Variants in NRCAM observed in about 807,000 individuals in gnomAD.
The protein encoded by NRCAM is neuronal cell adhesion molecule, also known as NgCAM-related cell adhesion molecule.
NRCAM carries 83 observed loss-of-function variants against 156.5 expected under a neutral mutation model. The observed-to-expected ratio is 0.53, with a 90% CI of 0.44 to 0.64. The LOEUF (loss-of-function observed/expected upper bound fraction) is 0.64, where lower values mean the gene tolerates loss of function less well. NRCAM is among the 30% of genes least tolerant of loss of function. NRCAM has a pLI of 0.00. For missense variants in NRCAM, 1,417 were observed against 1,597.3 expected (o/e 0.89, Z 1.92); for synonymous variants, 538 against 563.9 (o/e 0.95, Z 0.65).
intron 3 of NRCAM, among the ~76,000 whole-genome samples, chr7:108,276,053 T>G (rs1056151256): frequency 6.6e-6 from 1 of 152,306 alleles, no homozygotes; most frequent in Middle Eastern, 3.4e-3. Flanking sequence ...TTTGAGTGAG[T>G]TTCTTAATCC....
chr7:108,368,454 C>T (rs923118431), intron 2 of NRCAM, among the ~76,000 whole-genome samples: 3 of 151,786 alleles, frequency 2.0e-5, no homozygotes, highest in African/African-American at 7.3e-5. Flanking sequence ...AAATCTTTTC[C>T]GTTGAAAAAG....
chr7:108,263,489 C>T (rs1011388066), intron 3 of NRCAM, among the ~76,000 whole-genome samples: 5 of 152,358 alleles, frequency 3.3e-5, no homozygotes, highest in Admixed American at 6.5e-5. Flanking sequence ...TCCGAGCTTC[C>T]GCATCAGGCA....
intron 13 of NRCAM, among the ~76,000 whole-genome samples, chr7:108,202,733 T>C (rs1328838738): frequency 6.6e-6 from 1 of 152,218 alleles, no homozygotes. Flanking sequence ...CTTACATTCC[T>C]GGCTTTCAAC....
At chr7:108,278,692 C>G (rs1405538641) in intron 3 of NRCAM, among the ~76,000 whole-genome samples, 1 of 152,212 alleles carries the variant, frequency 6.6e-6, no homozygotes, top group African/African-American at 2.4e-5. Context: ...AAGGGAAATC[C>G]CCCTGACCCC....
At chr7:108,202,091 T>C (rs964947301) in intron 13 of NRCAM, among the ~76,000 whole-genome samples, 1 of 152,098 alleles carries the variant, frequency 6.6e-6, no homozygotes, top group African/African-American at 2.4e-5. Context: ...AGAGGAATAA[T>C]CATTAATTCT....
chr7:108,294,942 C>G (rs1164533406), intron 3 of NRCAM, among the ~76,000 whole-genome samples: 3 of 152,146 alleles, frequency 2.0e-5, no homozygotes, highest in Non-Finnish European at 4.4e-5. Flanking sequence ...CCCTAAAGTC[C>G]ACATTTGCAT....
At chr7:108,304,127 C>A (rs774784017) in intron 3 of NRCAM, among the ~76,000 whole-genome samples, 1 of 152,200 alleles carries the variant, frequency 6.6e-6, no homozygotes, top group African/African-American at 2.4e-5. Context: ...AACAGGTTTA[C>A]TTGTTTTCTC....
At chr7:108,286,955 A>G (rs2098122614) in intron 3 of NRCAM, among the ~76,000 whole-genome samples, 1 of 152,112 alleles carries the variant, frequency 6.6e-6, no homozygotes, top group South Asian at 2.1e-4. Flanking sequence ...AGCTCTTCTA[A>G]GTATACTCTC....
chr7:108,421,281 A>G (rs1181122436), intron 1 of NRCAM, among the ~76,000 whole-genome samples: 2 of 152,236 alleles, frequency 1.3e-5, no homozygotes, highest in African/African-American at 4.8e-5. Flanking sequence ...TGAGCCGGAT[A>G]TTAGTATATT....
intron 3 of NRCAM, among the ~76,000 whole-genome samples, chr7:108,283,475 T>C (rs1318753224): frequency 2.0e-5 from 3 of 152,156 alleles, no homozygotes; most frequent in Non-Finnish European, 4.4e-5. Flanking sequence ...TTTGAAGCAC[T>C]TGTTCCAGGA....
chr7:108,352,055 G>C (rs961155823), intron 2 of NRCAM, among the ~76,000 whole-genome samples: 1 of 152,140 alleles, frequency 6.6e-6, no homozygotes, highest in African/African-American at 2.4e-5. Context: ...TAATGCCTGA[G>C]TAGCACTAAC....
At chr7:108,316,853 T>TCATG (rs1166930080) in intron 2 of NRCAM, among the ~76,000 whole-genome samples, 1 of 150,838 alleles carries the variant, frequency 6.6e-6, no homozygotes, top group Non-Finnish European at 1.5e-5. Flanking sequence ...TAACAAAGAG[T>TCATG]CATGCCCTCT....
chr7:108,392,421 A>G (rs4730308), intron 2 of NRCAM, among the ~76,000 whole-genome samples: 144,194 of 152,254 alleles, frequency 0.95, 68,337 homozygotes, highest in East Asian at 1. Flanking sequence ...TTTCAGCTCC[A>G]TCAGGTCATT....
At chr7:108,151,299 T>A (rs893092890) in intron 32 of NRCAM, among the ~76,000 whole-genome samples, 1 of 152,138 alleles carries the variant, frequency 6.6e-6, no homozygotes, top group African/African-American at 2.4e-5. Context: ...ATAGGAAACA[T>A]ATACATTTTT....
intron 3 of NRCAM, chr7:108,243,373 A>G (rs2095668048): frequency 1.3e-5 from 2 of 152,246 alleles, no homozygotes; most frequent in Admixed American, 1.3e-4. Flanking sequence ...GATGAGAGTA[A>G]TGTACTCTGC....
At chr7:108,299,105 C>CAAAAAAAAAAAAAAAAAAAA (rs1292917918) in intron 3 of NRCAM, among the ~76,000 whole-genome samples, 1 of 16,966 alleles carries the variant, frequency 5.9e-5, no homozygotes, top group Non-Finnish European at 1.2e-4. Context: ...GACTCCATCT[C>CAAAAAAAAAAAAAAAAAAAA]AAAAAAAAAA....
chr7:108,223,825 T>A lies in NRCAM; in HGVS notation c.790A>T (p.Arg264Ter). Reference sequence around the variant, plus strand: ...GTTAAAAATGTTGGTGGCCTCTCTCTACTTGATTTAGCTGCAAACAAGAAA... The same window carrying A: ...GTTAAAAATGTTGGTGGCCTCTCTCAACTTGATTTAGCTGCAAACAAGAAA... ...DTEFYGAKSS[R>*]ERPPTFLTPE... Residue 264 changes from arginine (R) to a stop codon, truncating the protein, a stop_gained, in exon 11 of 33, where the codon AGA becomes TGA. Coordinates refer to ENST00000379028, the MANE Select transcript of NRCAM (RefSeq NM_001037132.4). LOFTEE classifies it high-confidence loss of function. The A allele has an allele frequency of 6.4e-7, 1 of 1,572,672 alleles. No homozygotes were observed. The highest frequency in any genetic ancestry group is 8.7e-7 in the Non-Finnish European group (1 of 1,142,912).
chr7:108,363,387 G>A (rs555369447), intron 2 of NRCAM, among the ~76,000 whole-genome samples: 6 of 152,068 alleles, frequency 3.9e-5, no homozygotes, highest in South Asian at 2.1e-4. Context: ...CAGGTTCAAC[G>A]GATCCTCCCA....
chr7:108,399,171 T>TTGTG lies in NRCAM; in HGVS notation c.-174+261_-174+264dup, dbSNP rs142946755. ...TGATTTTTAAAAGGGGTGTGTGTGT[T>TTGTG]TGTGTGTGTGTGTGTGTATGTTCAG... On this transcript the variant is annotated intron_variant, in intron 2 of 32. Transcript: ENST00000379028. Among the ~76,000 whole-genome samples the TTGTG allele has an allele frequency of 3.1e-3, 460 of 150,252 alleles. 2 individuals carry two copies. The highest frequency in any genetic ancestry group is 8.3e-3 in the African/African-American group (340 of 41,028).
Sources: allele counts gnomAD v4.1 joint callset (sites outside exome capture counted in the v4.1 genomes callset), GRCh38; gene constraint gnomAD v4.1.1; transcripts MANE v1.5; gene names NCBI Gene and HGNC (gene_info 2026-07-23, HGNC 2026-07-21).